The following DOCK1 variants were observed in gnomAD, a reference collection of about 807,000 sequenced individuals.
DOCK1 encodes the protein dedicator of cytokinesis 1.
Under a neutral mutation model 262.7 loss-of-function variants are expected in DOCK1, and 138 were observed. That is an observed-to-expected ratio of 0.53 (90% CI 0.46 to 0.61). The LOEUF is 0.61. Among genes scored for constraint, DOCK1 ranks in the 20% least tolerant of loss-of-function variants. The pLI, the probability that DOCK1 is intolerant of heterozygous loss-of-function variation, is 0.00. For missense variants in DOCK1, 1,908 were observed against 2,370.7 expected (o/e 0.80, Z 4.05); for synonymous variants, 866 against 867.4 (o/e 1.00, Z 0.03).
At chr10:127,438,172 C>T (rs764763913) in intron 48 of DOCK1, among the ~76,000 whole-genome samples, 1 of 152,242 alleles carries the variant, frequency 6.6e-6, no homozygotes, top group African/African-American at 2.4e-5. Context: ...CCATTTCTTC[C>T]ACCTCCTGAT....
chr10:127,327,465 C>G (rs2062792338), intron 29 of DOCK1, among the ~76,000 whole-genome samples: 1 of 152,208 alleles, frequency 6.6e-6, no homozygotes, highest in Non-Finnish European at 1.5e-5. Flanking sequence ...GCTTCCTCAC[C>G]TCTCTCAGCC....
intron 13 of DOCK1, among the ~76,000 whole-genome samples, chr10:127,020,416 CG>C (rs2135423959): frequency 6.6e-6 from 1 of 151,878 alleles, no homozygotes; most frequent in South Asian, 2.1e-4. Flanking sequence ...CTAGGCCCGG[CG>C]TGGTGGTGAG....
chr10:127,086,525 A>C (rs1295069380), intron 23 of DOCK1, among the ~76,000 whole-genome samples: 1 of 152,218 alleles, frequency 6.6e-6, no homozygotes, highest in Non-Finnish European at 1.5e-5. Context: ...TGTCATTATA[A>C]ATAAACCTTT....
chr10:126,928,334 G>T (rs1318442356), intron 1 of DOCK1, among the ~76,000 whole-genome samples: 1 of 152,242 alleles, frequency 6.6e-6, no homozygotes, highest in African/African-American at 2.4e-5. Context: ...ATGCGTCCCA[G>T]GCCCTGCCCC....
intron 27 of DOCK1, 143 bp from the exon 28 acceptor site, chr10:127,247,865 A>G: frequency 1.4e-6 from 1 of 704,856 alleles, no homozygotes; most frequent in Non-Finnish European, 2.4e-6. Flanking sequence ...TCCCTGAGAG[A>G]GGGGCAGCAG....
chr10:127,055,775 G>A (rs560358558), intron 22 of DOCK1, among the ~76,000 whole-genome samples: 6 of 152,246 alleles, frequency 3.9e-5, no homozygotes, highest in African/African-American at 1.2e-4. Flanking sequence ...TATCTCTTTA[G>A]GCCCTAAGTG....
intron 32 of DOCK1, among the ~76,000 whole-genome samples, chr10:127,360,853 A>G (rs1338733618): frequency 1.3e-5 from 2 of 152,202 alleles, no homozygotes; most frequent in Non-Finnish European, 2.9e-5. Flanking sequence ...AACAGCTCAC[A>G]GAACAGCTTT....
chr10:127,223,743 G>T (rs1335286711), intron 27 of DOCK1, among the ~76,000 whole-genome samples: 1 of 152,170 alleles, frequency 6.6e-6, no homozygotes, highest in Admixed American at 6.5e-5. Flanking sequence ...TTTTTTGGGA[G>T]TGCTGTTTGT....
Position 127,081,279 on chromosome 10 carries a change from G to A in DOCK1, c.2445+19503G>A, listed in dbSNP as rs78095240. 6.9e-3 allele frequency among the ~76,000 whole-genome samples: 1,049 copies of A among 151,904 alleles called. 10 individuals are homozygous for A. The highest frequency in any genetic ancestry group is 8.7e-3 in the Non-Finnish European group (589 of 67,974). ...TTGTTTCTACAGGTTTGTCCTGGTG[G>A]TCTGTCCTCTGTGCCATTGAACTCC... On this transcript the variant is annotated intron_variant, in intron 23 of 51. Coordinates refer to ENST00000623213, the MANE Select transcript of DOCK1 (RefSeq NM_001290223.2).
intron 1 of DOCK1, among the ~76,000 whole-genome samples, chr10:126,915,529 C>T (rs2032375171): frequency 6.6e-6 from 1 of 152,166 alleles, no homozygotes; most frequent in Non-Finnish European, 1.5e-5. Flanking sequence ...AGCAGTTTTC[C>T]TGCCTCAGCC....
intron 33 of DOCK1, among the ~76,000 whole-genome samples, chr10:127,371,599 C>G (rs1298503260): frequency 6.6e-6 from 1 of 152,218 alleles, no homozygotes; most frequent in African/African-American, 2.4e-5. Context: ...CATTTCTCTG[C>G]ATTCTCTGTA....
intron 4 of DOCK1, among the ~76,000 whole-genome samples, chr10:126,982,459 C>A (rs899790528): frequency 2.0e-5 from 3 of 151,302 alleles, no homozygotes; most frequent in South Asian, 4.2e-4. Context: ...TGTATAAGAT[C>A]ATTAAAAGGA....
In DOCK1 at chr10:127,447,549, A is replaced by C; in HGVS notation, c.5565+4A>C. 6.2e-7 allele frequency: 1 copy of C among 1,613,578 alleles called. No individual in the cohort carries two copies. Among genetic ancestry groups the C allele is most frequent in the South Asian group, 1.1e-5 (1 of 90,974 alleles). ...ACCTCCCCCTCCACACCAGAGGGTA[A>C]GTCGGCAATCTGAAACACAGGCTTT... On this transcript the variant is annotated splice_donor_region_variant and intron_variant, in intron 51 of 51. Coordinates refer to ENST00000623213, the MANE Select transcript of DOCK1 (RefSeq NM_001290223.2).
chr10:127,362,513 C>T (rs75775031), intron 33 of DOCK1, among the ~76,000 whole-genome samples: 2 of 152,310 alleles, frequency 1.3e-5, no homozygotes, highest in Admixed American at 6.5e-5. Flanking sequence ...TTGGTACGTG[C>T]TCTTGTAGAG....
intron 5 of DOCK1, among the ~76,000 whole-genome samples, chr10:126,988,927 G>C (rs2039600774): frequency 6.6e-6 from 1 of 152,120 alleles, no homozygotes; most frequent in Non-Finnish European, 1.5e-5. Flanking sequence ...ACAAAAATTA[G>C]CTGAGCATGG....
At chr10:127,191,565 G>A (rs2056758327) in intron 27 of DOCK1, among the ~76,000 whole-genome samples, 1 of 152,096 alleles carries the variant, frequency 6.6e-6, no homozygotes, top group Non-Finnish European at 1.5e-5. Flanking sequence ...TAACCACTAA[G>A]TACACATAGA....
intron 45 of DOCK1, among the ~76,000 whole-genome samples, chr10:127,419,154 C>T (rs2068344109): frequency 6.6e-6 from 1 of 152,178 alleles, no homozygotes; most frequent in Admixed American, 6.5e-5. Context: ...TCCACAACAC[C>T]TAAAATGTTT....
chr10:127,277,985 T>G (rs2060804872), intron 29 of DOCK1, among the ~76,000 whole-genome samples: 1 of 152,200 alleles, frequency 6.6e-6, no homozygotes, highest in South Asian at 2.1e-4. Context: ...AATAACAGAT[T>G]TATTTGGTAT....
At chr10:127,047,695 A>G (rs2044441907) in intron 21 of DOCK1, among the ~76,000 whole-genome samples, 2 of 151,920 alleles carry the variant, frequency 1.3e-5, no homozygotes, top group African/African-American at 2.4e-5. Flanking sequence ...ACAAGCAGCC[A>G]CTCTGTGGTT....
Sources: allele counts gnomAD v4.1 joint callset (sites outside exome capture counted in the v4.1 genomes callset), GRCh38; gene constraint gnomAD v4.1.1; transcripts MANE v1.5; gene names NCBI Gene and HGNC (gene_info 2026-07-23, HGNC 2026-07-21).